Variants in ZNF513 observed in about 807,000 individuals in gnomAD.
The protein encoded by ZNF513 is zinc finger protein 513.
Under a neutral mutation model 39.7 loss-of-function variants are expected in ZNF513, and 16 were observed. The observed-to-expected ratio is 0.40, with a 90% CI of 0.27 to 0.61. The LOEUF (loss-of-function observed/expected upper bound fraction) is 0.61. Ranked by LOEUF, ZNF513 falls within the 20% of genes least tolerant of loss-of-function variation. ZNF513 has a pLI of 0.39. For synonymous variants in ZNF513, 348 were observed against 296.5 expected (o/e 1.17, Z -1.79); for missense variants, 699 against 743.6 (o/e 0.94, Z 0.70).
Position 27,378,195 on chromosome 2 carries a change from C to T in ZNF513, c.976G>A (p.Gly326Ser). 8 of 1,609,882 alleles carry T rather than the reference C, an allele frequency of 5.0e-6. No individual in the cohort carries two copies. The highest frequency in any genetic ancestry group is 6.8e-6 in the Non-Finnish European group (8 of 1,179,920). Residue 326 changes from glycine to serine, a missense_variant, in exon 4 of 4, where the codon GGT becomes AGT. Around this residue, in one of 3 missense-constraint regions of ZNF513, gnomAD observed 530 missense variants for 499.3 expected, o/e 1.06. Transcript: ENST00000323703. The surrounding 1 kb of genome is among the most constrained non-coding windows in gnomAD (Gnocchi z 8.0). ...CRGCGQELEEGEGSRLGAAMC... is the reference protein window; with the variant it reads ...CRGCGQELEESEGSRLGAAMC... ...GCAGCTCCCAGCCGACTACCCTCACCCTCCTCCAGCTCTTGTCCACAGCCC... is the reference window on the plus strand; with the variant it reads ...GCAGCTCCCAGCCGACTACCCTCACTCTCCTCCAGCTCTTGTCCACAGCCC...
At position 27,378,947 on chromosome 2, in the gene ZNF513, C is replaced by G. The variant is rs761165240; in HGVS notation, c.319G>C (p.Gly107Arg). 2 of 1,611,682 alleles carry G rather than the reference C, an allele frequency of 1.2e-6. No individual in the cohort carries two copies. The highest frequency in any genetic ancestry group is 1.7e-6 in the Non-Finnish European group (2 of 1,178,958). Reference sequence around the variant, plus strand: ...CTCTCACCCCTGGCCTCCCCTGGACCCCTGGCTGGCTCCTCAACTTCACTC... The same window carrying G: ...CTCTCACCCCTGGCCTCCCCTGGACGCCTGGCTGGCTCCTCAACTTCACTC... The part of the protein sequence containing the change: ...AESEVEEPAR[G>R]PGEARGERPG... Residue 107 changes from glycine to arginine, a missense_variant, in exon 3 of 4, where the codon GGT becomes CGT. Gly to Arg is a moderately radical substitution (Grantham distance 125). Around this residue, in one of 3 missense-constraint regions of ZNF513, gnomAD observed 530 missense variants for 499.3 expected, o/e 1.06. Coordinates refer to ENST00000323703, the MANE Select transcript of ZNF513 (RefSeq NM_144631.6). The surrounding 1 kb of genome is among the most constrained non-coding windows in gnomAD (Gnocchi z 8.0).
In ZNF513 at chr2:27,378,728, A is replaced by C. The variant is rs1243870683; in HGVS notation, c.538T>G (p.Cys180Gly). Residue 180 changes from cysteine to glycine, a missense_variant, in exon 3 of 4, where the codon TGT becomes GGT. This residue lies in a region of ZNF513 where 530 missense variants were observed against 499.3 expected (regional missense o/e 1.06). Transcript: ENST00000323703. This position sits in a 1 kb window ranked among gnomAD's most constrained non-coding sequence, Gnocchi z 8.0. ...GCTGAGGCGTAGGGGCAGCGGCCACAGCGGAACGGCTTCTCTCCGCTGTGT... is the reference window on the plus strand; with the variant it reads ...GCTGAGGCGTAGGGGCAGCGGCCACCGCGGAACGGCTTCTCTCCGCTGTGT... ...QTHSGEKPFR[C>G]GRCPYASAQL... 2 of 1,613,898 alleles carry C rather than the reference A, an allele frequency of 1.2e-6. No homozygotes were observed. The highest frequency in any genetic ancestry group is 1.7e-6 in the Non-Finnish European group (2 of 1,179,974).
rs760239716 is a variant in ZNF513 at position 27,378,715 on chromosome 2, G to A, written c.551C>T (p.Pro184Leu). Reference protein sequence around the residue: ...GEKPFRCGRCPYASAQLVNLT... With the variant: ...GEKPFRCGRCLYASAQLVNLT... ...GTTGACGAGCTGGGCTGAGGCGTAGGGGCAGCGGCCACAGCGGAACGGCTT... is the reference window on the plus strand; with the variant it reads ...GTTGACGAGCTGGGCTGAGGCGTAGAGGCAGCGGCCACAGCGGAACGGCTT... The change falls in exon 3 of 4, where the codon CCC becomes CTC. Residue 184 changes from proline to leucine, a missense_variant. By Grantham distance (98) the Pro-to-Leu change is moderately conservative. Around this residue, in one of 3 missense-constraint regions of ZNF513, gnomAD observed 530 missense variants for 499.3 expected, o/e 1.06. Coordinates refer to ENST00000323703, the MANE Select transcript of ZNF513 (RefSeq NM_144631.6). This position sits in a 1 kb window ranked among gnomAD's most constrained non-coding sequence, Gnocchi z 8.0. 1.2e-6 allele frequency: 2 copies of A among 1,613,968 alleles called. No individual in the cohort carries two copies. The highest frequency in any genetic ancestry group is 8.5e-7 in the Non-Finnish European group (1 of 1,179,974).
chr2:27,380,073 A>G lies in ZNF513; in HGVS notation c.211+20T>C. ...GGTCTCCAGCGGCCGCTAATCCTTA[A>G]CCAAGACCCGAAAACCCACCTTCCG... On this transcript the variant is annotated intron_variant, in intron 2 of 3. Coordinates refer to ENST00000323703, the MANE Select transcript of ZNF513 (RefSeq NM_144631.6). 6.2e-7 allele frequency: 1 copy of G among 1,613,814 alleles called. No individual in the cohort carries two copies. Among genetic ancestry groups the G allele is most frequent in the Non-Finnish European group, 8.5e-7 (1 of 1,179,982 alleles).
chr2:27,379,779 T>C (rs1683538697), intron 2 of ZNF513, among the ~76,000 whole-genome samples: 1 of 152,300 alleles, frequency 6.6e-6, no homozygotes, highest in South Asian at 2.1e-4. Flanking sequence ...TTTGCTTCCC[T>C]GAACCTCTCT....
chr2:27,377,706 G>A lies in ZNF513; in HGVS notation c.1465C>T (p.Arg489Cys). ...YTTGHWDNYKRHQKVHGHGGA... is the reference protein window; with the variant it reads ...YTTGHWDNYKCHQKVHGHGGA... ...CCGTGGCCATGCACCTTCTGGTGGC[G>A]CTTGTAGTTGTCCCAGTGGCCCGTG... The change falls in exon 4 of 4, where the codon CGC (arginine) becomes TGC (cysteine). Residue 489 changes from arginine (R) to cysteine (C), a missense_variant. By Grantham distance (180) the Arg-to-Cys change is radical (BLOSUM62 -3). Coordinates refer to ENST00000323703, the MANE Select transcript of ZNF513 (RefSeq NM_144631.6). This position sits in a 1 kb window ranked among gnomAD's most constrained non-coding sequence, Gnocchi z 4.4. 6.2e-7 allele frequency: 1 copy of A among 1,614,218 alleles called. No homozygotes were observed. The highest frequency in any genetic ancestry group is 8.5e-7 in the Non-Finnish European group (1 of 1,180,040).
rs755341945 is a variant in ZNF513 at position 27,378,006 on chromosome 2, G to A, written c.1165C>T (p.Arg389Cys). 3.7e-6 allele frequency: 6 copies of A among 1,612,638 alleles called. No individual in the cohort carries two copies. The highest frequency in any genetic ancestry group is 2.2e-5 in the East Asian group (1 of 44,850). ...GAGGCATAAGGACAGCGGGCGCAGC[G>A]GAAGGGCTTCTCACCACTGTGTGTC... ...MKTHSGEKPF[R>C]CARCPYASAH... The change falls in exon 4 of 4, where the codon CGC (arginine) becomes TGC (cysteine). Residue 389 changes from arginine to cysteine, a missense_variant. Coordinates refer to ENST00000323703, the MANE Select transcript of ZNF513 (RefSeq NM_144631.6). The surrounding 1 kb of genome is among the most constrained non-coding windows in gnomAD (Gnocchi z 8.0).
At position 27,377,830 on chromosome 2, in the gene ZNF513, G is replaced by C. The variant is rs201381989; in HGVS notation, c.1341C>G (p.Ser447Arg). ...IHSGDKPFRCSLCNYSCNQSM... is the reference protein window; with the variant it reads ...IHSGDKPFRCRLCNYSCNQSM... ...TCTGGTTGCAGCTGTAGTTGCAAAGGCTACACCGAAAAGGTTTGTCACCAG... is the reference window on the plus strand; with the variant it reads ...TCTGGTTGCAGCTGTAGTTGCAAAGCCTACACCGAAAAGGTTTGTCACCAG... Residue 447 changes from serine to arginine, a missense_variant, in exon 4 of 4, where the codon AGC becomes AGG. By Grantham distance (110) the Ser-to-Arg change is moderately radical (BLOSUM62 -1). This residue lies in a region of ZNF513 where 98 missense variants were observed against 180.2 expected (regional missense o/e 0.54). Transcript: ENST00000323703. This position sits in a 1 kb window ranked among gnomAD's most constrained non-coding sequence, Gnocchi z 4.4. 1.7e-5 allele frequency: 27 copies of C among 1,614,076 alleles called. No homozygotes were observed. Among genetic ancestry groups the C allele is most frequent in the Non-Finnish European group, 2.2e-5 (26 of 1,180,032 alleles).
chr2:27,377,439 G>T lies in ZNF513; in HGVS notation c.*106C>A. The stretch of plus-strand genomic sequence containing the variant: ...GCCCCCCCGCCCATGGGGTTGGGCT[G>T]GTCCTTATAGTGCCTACGTTAGTCT... On this transcript the variant is annotated 3_prime_UTR_variant, in exon 4 of 4. Transcript: ENST00000323703. The surrounding 1 kb of genome is among the most constrained non-coding windows in gnomAD (Gnocchi z 4.4). 7.7e-7 allele frequency: 1 copy of T among 1,293,340 alleles called. No individual in the cohort carries two copies. Among genetic ancestry groups the T allele is most frequent in the South Asian group, 1.2e-5 (1 of 81,856 alleles). 80.1% of individuals were successfully genotyped at this position (1,293,340 alleles called of 1,614,324 possible).
Position 27,380,515 on chromosome 2 carries a change from C to T in ZNF513, c.12G>A (p.Arg4=), listed in dbSNP as rs1683573113. 1.9e-6 allele frequency: 3 copies of T among 1,580,952 alleles called. No individual in the cohort carries two copies. Among genetic ancestry groups the T allele is most frequent in the Non-Finnish European group, 2.6e-6 (3 of 1,154,484 alleles). ...TCACGGGCTGCGGGTGGCTTTGCTT[C>T]CTTCGGGGCATCGTGACCGGCTCCA... The part of the protein sequence containing the change: MPR[R]KQSHPQPVKC... The change falls in exon 1 of 4, where the codon AGG becomes AGA. Residue 4 remains arginine (R), a synonymous_variant. Transcript: ENST00000323703.
At position 27,377,514 on chromosome 2, in the gene ZNF513, C is replaced by G. The variant is rs1683377685; in HGVS notation, c.*31G>C. ...GAGAAAAAGGTGGCTTCTGGTCCGT[C>G]TGTATAAAACATGGGGAAGAAGGAC... On this transcript the variant is annotated 3_prime_UTR_variant, in exon 4 of 4. Transcript: ENST00000323703. The surrounding 1 kb of genome is among the most constrained non-coding windows in gnomAD (Gnocchi z 4.4). 3 of 1,611,868 alleles carry G rather than the reference C, an allele frequency of 1.9e-6. No homozygotes were observed. The highest frequency in any genetic ancestry group is 3.3e-4 in the Middle Eastern group (2 of 6,058).
Position 27,377,304 on chromosome 2 carries a change from C to T in ZNF513, c.*241G>A, listed in dbSNP as rs1471863160. 16 of 648,930 alleles carry T rather than the reference C, an allele frequency of 2.5e-5. No individual in the cohort carries two copies. Among genetic ancestry groups the T allele is most frequent in the Non-Finnish European group, 4.5e-5 (16 of 359,028 alleles). The allele number at this position is 648,930 out of a possible 1,614,324, so 40.2% of individuals were successfully genotyped here. ...TAAACAGGTGGGAGGCTGGGCAGTC[C>T]CCCAGCCGGTTTGTCCACAGCCCCT... On this transcript the variant is annotated 3_prime_UTR_variant, in exon 4 of 4. Coordinates refer to ENST00000323703, the MANE Select transcript of ZNF513 (RefSeq NM_144631.6). This position sits in a 1 kb window ranked among gnomAD's most constrained non-coding sequence, Gnocchi z 4.4.
At position 27,377,378 on chromosome 2, in the gene ZNF513, T is replaced by C. The variant is rs896730002; in HGVS notation, c.*167A>G. 2.6e-6 allele frequency: 2 copies of C among 755,970 alleles called. No individual in the cohort carries two copies. The highest frequency in any genetic ancestry group is 5.3e-5 in the East Asian group (2 of 37,576). The allele number at this position is 755,970 out of a possible 1,614,324, so 46.8% of individuals were successfully genotyped here. A position where few individuals can be genotyped will look rare whatever the true frequency, so the allele number is the denominator to read the frequency against. On this transcript the variant is annotated 3_prime_UTR_variant, in exon 4 of 4. Transcript: ENST00000323703. This position sits in a 1 kb window ranked among gnomAD's most constrained non-coding sequence, Gnocchi z 4.4. Reference sequence around the variant, plus strand: ...GGCCCTTCTCACTGAGCTCGTGAAGTGCCTCAGTCAAGGCAAGGTCCCCTG... The same window carrying C: ...GGCCCTTCTCACTGAGCTCGTGAAGCGCCTCAGTCAAGGCAAGGTCCCCTG...
Position 27,377,419 on chromosome 2 carries a change from C to G in ZNF513, c.*126G>C, listed in dbSNP as rs752172050. On this transcript the variant is annotated 3_prime_UTR_variant, in exon 4 of 4. Transcript: ENST00000323703. This position sits in a 1 kb window ranked among gnomAD's most constrained non-coding sequence, Gnocchi z 4.4. ...AGGTCCCCTGGTCCATATGGGCCCC[C>G]CCGCCCATGGGGTTGGGCTGGTCCT... The G allele has an allele frequency of 7.5e-6, 8 of 1,069,856 alleles. No individual in the cohort carries two copies. In the Admixed American group the frequency reaches 1.6e-4, roughly 21 times the overall value. 66.3% of individuals were successfully genotyped at this position (1,069,856 alleles called of 1,614,324 possible). A position where few individuals can be genotyped will look rare whatever the true frequency, so the allele number is the denominator to read the frequency against.
rs768157988 is a variant in ZNF513, at chr2:27,378,808, C to T, written c.458G>A (p.Arg153His). The T allele has an allele frequency of 3.2e-5, 52 of 1,613,392 alleles. No homozygotes were observed. The highest frequency in any genetic ancestry group is 2.2e-4 in the Admixed American group (13 of 59,940). The change falls in exon 3 of 4, where the codon CGC (arginine) becomes CAC (histidine). Residue 153 changes from arginine (R) to histidine (H), a missense_variant. Around this residue, in one of 3 missense-constraint regions of ZNF513, gnomAD observed 530 missense variants for 499.3 expected, o/e 1.06. Transcript: ENST00000323703. The surrounding 1 kb of genome is among the most constrained non-coding windows in gnomAD (Gnocchi z 8.0). ...GTAGTGGGACACGAAGGTGCAGAGG[C>T]GGCATGAGTACAGTAGCCGTGGGGG... The part of the protein sequence containing the change: ...LLPPRLLYSC[R>H]LCTFVSHYSS...
At position 27,378,231 on chromosome 2, in the gene ZNF513, A is replaced by C. The variant is rs944918758; in HGVS notation, c.940T>G (p.Trp314Gly). The C allele has an allele frequency of 6.2e-6, 10 of 1,604,302 alleles. No individual in the cohort carries two copies. The highest frequency in any genetic ancestry group is 7.6e-6 in the Non-Finnish European group (9 of 1,179,930). The change falls in exon 4 of 4, where the codon TGG becomes GGG. Residue 314 changes from tryptophan (W) to glycine (G), a missense_variant. By Grantham distance (184) the Trp-to-Gly change is radical. Coordinates refer to ENST00000323703, the MANE Select transcript of ZNF513 (RefSeq NM_144631.6). This position sits in a 1 kb window ranked among gnomAD's most constrained non-coding sequence, Gnocchi z 8.0. Reference sequence around the variant, plus strand: ...TCTTGTCCACAGCCCCGGCAGGTCCAAGGGAATAGCAGCTCTGGCAGTGGT... The same window carrying C: ...TCTTGTCCACAGCCCCGGCAGGTCCCAGGGAATAGCAGCTCTGGCAGTGGT... ...SEPLPELLFP[W>G]TCRGCGQELE...
Position 27,378,522 on chromosome 2 carries a change from T to C in ZNF513, c.744A>G (p.Pro248=). ...GCTCTGTGGGACTGGGAGGCCGGGCTGGTCGTGGAGTACAGCAGCGGAAGC... is the reference window on the plus strand; with the variant it reads ...GCTCTGTGGGACTGGGAGGCCGGGCCGGTCGTGGAGTACAGCAGCGGAAGC... The part of the protein sequence containing the change: ...TCGFRCCTPR[P]ARPPSPTEQE... Residue 248 remains proline (P), a synonymous_variant, in exon 3 of 4, where the codon CCA becomes CCG. Coordinates refer to ENST00000323703, the MANE Select transcript of ZNF513 (RefSeq NM_144631.6). The surrounding 1 kb of genome is among the most constrained non-coding windows in gnomAD (Gnocchi z 8.0). 6.2e-7 allele frequency: 1 copy of C among 1,614,148 alleles called. No individual in the cohort carries two copies. Among genetic ancestry groups the C allele is most frequent in the Non-Finnish European group, 8.5e-7 (1 of 1,180,042 alleles).
Position 27,378,616 on chromosome 2 carries a change from C to T in ZNF513, c.650G>A (p.Ser217Asn). 1.2e-6 allele frequency: 2 copies of T among 1,613,764 alleles called. No homozygotes were observed. Among genetic ancestry groups the T allele is most frequent in the Non-Finnish European group, 1.7e-6 (2 of 1,179,930 alleles). Residue 217 changes from serine to asparagine, a missense_variant, in exon 3 of 4, where the codon AGC (serine) becomes AAC (asparagine). Transcript: ENST00000323703. This position sits in a 1 kb window ranked among gnomAD's most constrained non-coding sequence, Gnocchi z 8.0. ...CTGATGCCGCCTCAGGTTGCCCAGG[C>T]TGCTGCAGGCAAAGGGGCAGTGGGG... ...RCPHCPFACS[S>N]LGNLRRHQRT...
chr2:27,377,914 G>C lies in ZNF513; in HGVS notation c.1257C>G (p.Pro419=). ...GATTGCCACAGGCATAAGGGCAGAG[G>C]GGGCACTTGTAGGGCTTCTCTCCTG... ...VHTGEKPYKC[P]LCPYACGNLA... is the part of the protein sequence containing the mutation. The change falls in exon 4 of 4, where the codon CCC becomes CCG. Residue 419 remains proline, a synonymous_variant. Coordinates refer to ENST00000323703, the MANE Select transcript of ZNF513 (RefSeq NM_144631.6). The surrounding 1 kb of genome is among the most constrained non-coding windows in gnomAD (Gnocchi z 4.4). 1 of 1,614,102 alleles carries C rather than the reference G, an allele frequency of 6.2e-7. No homozygotes were observed. The highest frequency in any genetic ancestry group is 8.5e-7 in the Non-Finnish European group (1 of 1,179,992).
Sources: gnomAD v4.1 joint callset for allele counts (sites outside exome capture counted in the v4.1 genomes callset) on GRCh38, gnomAD v4.1.1 for gene constraint, gnomAD v4.1.1 regional missense constraint, Gnocchi (gnomAD v3.1) non-coding constraint, MANE v1.5 for transcripts, NCBI Gene and HGNC (gene_info 2026-07-23, HGNC 2026-07-21) for gene names.